PDZD2: variants seen among roughly 807,000 people sequenced by gnomAD.
The protein encoded by PDZD2 is PDZ domain-containing protein 2.
A neutral mutation model predicts 220.7 loss-of-function variants in PDZD2; 90 were observed. The ratio of observed to expected loss-of-function variants is 0.41; its 90% CI spans 0.34 to 0.49. The LOEUF (loss-of-function observed/expected upper bound fraction) is 0.49. Among genes scored for constraint, PDZD2 ranks in the 20% least tolerant of loss-of-function variants. The pLI, the probability that PDZD2 is intolerant of heterozygous loss-of-function variation, is 0.28. For synonymous variants in PDZD2, 1,375 were observed against 1,450.5 expected (o/e 0.95, Z 1.18); for missense variants, 3,174 against 3,608.5 (o/e 0.88, Z 3.08).
intron 1 of PDZD2, among the ~76,000 whole-genome samples, chr5:31,676,687 T>C (rs1346257593): frequency 6.6e-6 from 1 of 151,490 alleles, no homozygotes; most frequent in Non-Finnish European, 1.5e-5. Flanking sequence ...CCCGAGTAGC[T>C]GGGATTACAG....
chr5:31,727,496 G>A (rs1749223969), intron 1 of PDZD2, among the ~76,000 whole-genome samples: 1 of 151,440 alleles, frequency 6.6e-6, no homozygotes, highest in Non-Finnish European at 1.5e-5. Flanking sequence ...CACCTGAGTT[G>A]AGACCAGCCA....
At chr5:32,024,097 G>A (rs774390047) in intron 6 of PDZD2, among the ~76,000 whole-genome samples, 1 of 152,186 alleles carries the variant, frequency 6.6e-6, no homozygotes, top group Non-Finnish European at 1.5e-5. Context: ...TGATTGCCCC[G>A]TAGTGCAAGC....
chr5:31,956,136 T>G (rs995560609), intron 2 of PDZD2, among the ~76,000 whole-genome samples: 12 of 152,024 alleles, frequency 7.9e-5, no homozygotes, highest in African/African-American at 2.9e-4. Flanking sequence ...GTTAGGTCCC[T>G]TGCTCTATAG....
At chr5:31,840,396 T>TA (rs1757196726) in intron 2 of PDZD2, 1 of 19,302 alleles carries the variant, frequency 5.2e-5, no homozygotes, top group African/African-American at 3.3e-4. Context: ...GTCATTTTCA[T>TA]TATATATATA....
chr5:31,701,203 A>T (rs1747593920), intron 1 of PDZD2, among the ~76,000 whole-genome samples: 1 of 109,874 alleles, frequency 9.1e-6, no homozygotes, highest in South Asian at 2.9e-4. Flanking sequence ...AAATATATAT[A>T]TATTTTTTTT....
At chr5:31,686,164 C>T (rs906101792) in intron 1 of PDZD2, among the ~76,000 whole-genome samples, 5 of 151,394 alleles carry the variant, frequency 3.3e-5, no homozygotes, top group African/African-American at 1.2e-4. Context: ...GCAGAGGTTG[C>T]AGTGAGCCGA....
chr5:31,930,069 C>T (rs141423070), intron 2 of PDZD2, among the ~76,000 whole-genome samples: 55 of 152,162 alleles, frequency 3.6e-4, no homozygotes, highest in Middle Eastern at 3.4e-3. Context: ...CCTTCTGCCA[C>T]GAGTGAAAGC....
chr5:32,073,119 T>G (rs893045062), intron 17 of PDZD2, among the ~76,000 whole-genome samples: 1 of 152,120 alleles, frequency 6.6e-6, no homozygotes, highest in African/African-American at 2.4e-5. Flanking sequence ...GCTGGTGAGG[T>G]TTCCTCTTAA....
chr5:31,992,275 G>A (rs771169886), intron 3 of PDZD2, among the ~76,000 whole-genome samples: 2 of 152,160 alleles, frequency 1.3e-5, no homozygotes, highest in Non-Finnish European at 2.9e-5. Flanking sequence ...GTTGGGGGCT[G>A]TATTACAGAT....
chr5:32,067,283 A>C (rs1193867516), intron 14 of PDZD2, among the ~76,000 whole-genome samples: 2 of 152,230 alleles, frequency 1.3e-5, no homozygotes, highest in African/African-American at 4.8e-5. Context: ...AACTTATGTT[A>C]AGTGGAAGAA....
intron 6 of PDZD2, among the ~76,000 whole-genome samples, chr5:32,032,881 C>G (rs1328126161): frequency 2.0e-5 from 3 of 152,126 alleles, no homozygotes; most frequent in African/African-American, 7.2e-5. Flanking sequence ...CCACTCTGCC[C>G]CACTACCTCT....
At chr5:31,713,192 T>A (rs1748231857) in intron 1 of PDZD2, among the ~76,000 whole-genome samples, 1 of 152,226 alleles carries the variant, frequency 6.6e-6, no homozygotes, top group African/African-American at 2.4e-5. Flanking sequence ...GGTATATTCA[T>A]TGGTCTCAAC....
chr5:32,045,940 C>T (rs960735703), intron 7 of PDZD2, among the ~76,000 whole-genome samples: 7 of 151,900 alleles, frequency 4.6e-5, no homozygotes, highest in African/African-American at 1.7e-4. Flanking sequence ...TTATTCAGTG[C>T]AAAACTTTCA....
At chr5:31,701,928 C>T (rs994994536) in intron 1 of PDZD2, among the ~76,000 whole-genome samples, 5 of 152,238 alleles carry the variant, frequency 3.3e-5, no homozygotes, top group African/African-American at 1.2e-4. Context: ...CCTGCTTTCC[C>T]CTCCACCTCA....
At chr5:31,934,388 G>C (rs1343048539) in intron 2 of PDZD2, among the ~76,000 whole-genome samples, 1 of 152,030 alleles carries the variant, frequency 6.6e-6, no homozygotes, top group African/African-American at 2.4e-5. Flanking sequence ...CTGGTGTTTG[G>C]AGACTAGGAA....
At chr5:31,878,555 C>CTTTTTTTTTTTTTTG (rs1739535236) in intron 2 of PDZD2, among the ~76,000 whole-genome samples, 1 of 48,198 alleles carries the variant, frequency 2.1e-5, no homozygotes, top group Non-Finnish European at 3.7e-5. Context: ...ATGACCTCGG[C>CTTTTTTTTTTTTTTG]TTTTTTTTTT....
chr5:32,021,255 T>C (rs1489738519), intron 6 of PDZD2, among the ~76,000 whole-genome samples: 1 of 150,698 alleles, frequency 6.6e-6, no homozygotes, highest in Non-Finnish European at 1.5e-5. Flanking sequence ...TTTGCTTGCC[T>C]TGATTTTTTT....
chr5:31,789,397 A>G (rs1004640131), intron 1 of PDZD2, among the ~76,000 whole-genome samples: 1 of 152,160 alleles, frequency 6.6e-6, no homozygotes, highest in African/African-American at 2.4e-5. Context: ...CTCTGTAGGG[A>G]ACTAGAATTC....
In PDZD2 at chr5:31,983,574, C is replaced by A. The variant is rs1285411076; in HGVS notation, c.896C>A (p.Ala299Asp). The A allele has an allele frequency of 1.2e-6, 2 of 1,614,156 alleles. No homozygotes were observed. Among genetic ancestry groups the A allele is most frequent in the Admixed American group, 3.3e-5 (2 of 60,034 alleles). ...GTEHRIPKTD[A>D]PLTTSNDKRR... ...GAGCATAGAATTCCAAAGACAGATG[C>A]TCCTCTGACCACAAGCAATGACAAA... is the stretch of plus-strand genomic sequence containing the variant. Residue 299 changes from alanine to aspartate, a missense_variant, in exon 3 of 25, where the codon GCT (alanine) becomes GAT (aspartate). Ala to Asp is a moderately radical substitution (Grantham distance 126). Coordinates refer to ENST00000438447, the MANE Select transcript of PDZD2 (RefSeq NM_178140.4).
Sources: gnomAD v4.1 joint callset for allele counts (sites outside exome capture counted in the v4.1 genomes callset) on GRCh38, gnomAD v4.1.1 for gene constraint, MANE v1.5 for transcripts, NCBI Gene and HGNC (gene_info 2026-07-23, HGNC 2026-07-21) for gene names.